The following OPA3 variants were observed in gnomAD, a reference collection of about 807,000 sequenced individuals.
The protein encoded by OPA3 is optic atrophy 3 protein.
In OPA3, 6 loss-of-function variants were observed where a neutral mutation model predicts 4.0. The ratio of observed to expected loss-of-function variants is 1.51; its 90% confidence interval spans 0.83 to 2.99. OPA3 has a LOEUF of 2.99. Ranked by LOEUF, OPA3 falls within the 30% of genes most tolerant of loss-of-function variation. The pLI is 0.00. For missense variants in OPA3, 235 were observed against 256.2 expected (o/e 0.92, Z 0.56); for synonymous variants, 105 against 117.1 (o/e 0.90, Z 0.67).
Position 45,552,992 on chromosome 19 carries a change from C to T in OPA3, c.*522G>A. On this transcript the variant is annotated 3_prime_UTR_variant, in exon 2 of 2. Coordinates refer to ENST00000263275, the MANE Select transcript of OPA3 (RefSeq NM_025136.4). The stretch of plus-strand genomic sequence containing the variant: ...CTCCCAGCCGCACCGTTTTTTTCCT[C>T]CTTAAGAGAGCACTGATGCTCAGCT... 2.0e-6 allele frequency: 2 copies of T among 1,000,106 alleles called. No individual in the cohort carries two copies. Among genetic ancestry groups the T allele is most frequent in the South Asian group, 8.7e-5 (2 of 23,002 alleles). 62.0% of individuals were successfully genotyped at this position (1,000,106 alleles called of 1,614,324 possible).
At chr19:45,535,771 T>C (rs936473793) in intron 1 of OPA3, among the ~76,000 whole-genome samples, 20 of 149,898 alleles carry the variant, frequency 1.3e-4, no homozygotes, top group East Asian at 5.8e-4. Context: ...TCTTTTTTTT[T>C]TTTTTTTTTA....
chr19:45,563,211 G>A (rs1031568751), intron 1 of OPA3, among the ~76,000 whole-genome samples: 2 of 152,102 alleles, frequency 1.3e-5, no homozygotes, highest in Non-Finnish European at 2.9e-5. Context: ...CCAGGCTGGA[G>A]TGCAGTGGCT....
In OPA3 at chr19:45,551,745, G is replaced by A. The variant is rs1015352731; in HGVS notation, c.*1769C>T. On this transcript the variant is annotated 3_prime_UTR_variant, in exon 2 of 2. Coordinates refer to ENST00000263275, the MANE Select transcript of OPA3 (RefSeq NM_025136.4). ...TAATTGGTAGGATGGGGGTGGGACC[G>A]GGGGCTATGGAGGCAGGAGGGTACT... The A allele has an allele frequency of 1.3e-5, 13 of 985,306 alleles. No individual in the cohort carries two copies. Among genetic ancestry groups the A allele is most frequent in the African/African-American group, 3.5e-5 (2 of 57,242 alleles). 61.0% of individuals were successfully genotyped at this position (985,306 alleles called of 1,614,324 possible). A position where few individuals can be genotyped will look rare whatever the true frequency, so the allele number is the denominator to read the frequency against.
At chr19:45,533,017 G>A (rs964171873) in intron 1 of OPA3, among the ~76,000 whole-genome samples, 3 of 151,268 alleles carry the variant, frequency 2.0e-5, no homozygotes, top group African/African-American at 4.9e-5. Flanking sequence ...TCAGCCTCCC[G>A]AGTAGCTGGG....
rs913293006 is a variant in OPA3, at chr19:45,540,429, C to T, written c.143-10973G>A. On this transcript the variant is annotated intron_variant, in intron 1 of 1. Coordinates refer to the OPA3 transcript ENST00000323060. ...AACAAACCAGGCCAGGACACGGTGG[C>T]TCATACCTGTAGCCCCAGCTACTTG... is the stretch of plus-strand genomic sequence containing the variant. Among the ~76,000 whole-genome samples the T allele has an allele frequency of 2.0e-5, 3 of 152,084 alleles. No homozygotes were observed. In the East Asian group the frequency reaches 5.8e-4, roughly 29 times the overall value.
chr19:45,584,395 G>A, intron 1 of OPA3: 1 of 985,362 alleles, frequency 1.0e-6, no homozygotes, highest in Non-Finnish European at 1.2e-6. Context: ...TTTATCGGCT[G>A]GCATTTCCTA....
At chr19:45,559,291 G>C (rs373121098) in intron 1 of OPA3, among the ~76,000 whole-genome samples, 1 of 150,864 alleles carries the variant, frequency 6.6e-6, no homozygotes, top group Admixed American at 6.6e-5. Context: ...GAGTAAGTCA[G>C]TATTCCTACT....
At position 45,551,995 on chromosome 19, in the gene OPA3, G is replaced by A; in HGVS notation, c.*1519C>T. On this transcript the variant is annotated 3_prime_UTR_variant, in exon 2 of 2. Coordinates refer to ENST00000263275, the MANE Select transcript of OPA3 (RefSeq NM_025136.4). ...GGACTCTGAGGACAGGAAAATAGGGGGCTGAGGCTGAAGGACAGGCTGGAT... is the reference window on the plus strand; with the variant it reads ...GGACTCTGAGGACAGGAAAATAGGGAGCTGAGGCTGAAGGACAGGCTGGAT... 1.0e-6 allele frequency: 1 copy of A among 985,516 alleles called. No individual in the cohort carries two copies. 61.0% of individuals were successfully genotyped at this position (985,516 alleles called of 1,614,324 possible). A position where few individuals can be genotyped will look rare whatever the true frequency, so the allele number is the denominator to read the frequency against.
intron 1 of OPA3, among the ~76,000 whole-genome samples, chr19:45,529,761 C>T (rs1473351094): frequency 2.6e-5 from 4 of 152,028 alleles, no homozygotes; most frequent in African/African-American, 4.8e-5. Flanking sequence ...GCCAGGGTTT[C>T]GCTCTATCGT....
downstream of OPA3, among the ~76,000 whole-genome samples, chr19:45,541,887 G>A (rs1024175870): frequency 6.6e-6 from 1 of 152,142 alleles, no homozygotes; most frequent in Admixed American, 6.6e-5. Flanking sequence ...CTTGGGGAAG[G>A]CTTCAAGGAT....
intron 1 of OPA3, among the ~76,000 whole-genome samples, chr19:45,570,324 C>G (rs1021399614): frequency 2.0e-5 from 3 of 152,206 alleles, no homozygotes; most frequent in Admixed American, 2.0e-4. Context: ...CAATGACACA[C>G]TTCTTCCATC....
chr19:45,544,536 T>A (rs1430749280), downstream of OPA3, among the ~76,000 whole-genome samples: 1 of 152,118 alleles, frequency 6.6e-6, no homozygotes, highest in Non-Finnish European at 1.5e-5. Flanking sequence ...GGCTCACGCC[T>A]GTAATCCCAG....
At chr19:45,528,797 CA>C (rs1969023062) in exon 2 of OPA3, 1 of 440,574 alleles carries the variant, frequency 2.3e-6, no homozygotes, top group Admixed American at 4.0e-5. Context: ...AATGCGCTGG[CA>C]GGGGCGGGGT....
chr19:45,553,590 T>C lies in OPA3; in HGVS notation c.464A>G (p.Glu155Gly). The C allele has an allele frequency of 1.9e-6, 3 of 1,612,404 alleles. No individual in the cohort carries two copies. Among genetic ancestry groups the C allele is most frequent in the Non-Finnish European group, 2.5e-6 (3 of 1,179,900 alleles). ...PQGALEELRT[E>G]LQEVRAQLCN... ...GAGCTGGGCGCGCACCTCTTGCAGCTCTGTGCGCAGTTCCTCCAGGGCGCC... is the reference window on the plus strand; with the variant it reads ...GAGCTGGGCGCGCACCTCTTGCAGCCCTGTGCGCAGTTCCTCCAGGGCGCC... Residue 155 changes from glutamate (E) to glycine (G), a missense_variant, in exon 2 of 2, where the codon GAG (glutamate) becomes GGG (glycine). Glu to Gly is a moderately conservative substitution (Grantham distance 98). Coordinates refer to ENST00000263275, the MANE Select transcript of OPA3 (RefSeq NM_025136.4).
chr19:45,544,535 C>A (rs1969222873), downstream of OPA3, among the ~76,000 whole-genome samples: 2 of 152,134 alleles, frequency 1.3e-5, no homozygotes, highest in Non-Finnish European at 2.9e-5. Context: ...TGGCTCACGC[C>A]TGTAATCCCA....
intron 1 of OPA3, among the ~76,000 whole-genome samples, chr19:45,572,980 C>A (rs1376096628): frequency 6.6e-6 from 1 of 151,298 alleles, no homozygotes; most frequent in Admixed American, 6.6e-5. Flanking sequence ...CAATTAGGTA[C>A]CCCTAGGGGT....
chr19:45,583,792 G>C (rs910778840), intron 1 of OPA3, among the ~76,000 whole-genome samples: 1 of 152,192 alleles, frequency 6.6e-6, no homozygotes, highest in African/African-American at 2.4e-5. Context: ...GTGAGCCACC[G>C]CGCCGGACCT....
intron 1 of OPA3, among the ~76,000 whole-genome samples, chr19:45,530,445 C>T (rs1969046810): frequency 6.6e-6 from 1 of 152,054 alleles, no homozygotes; most frequent in African/African-American, 2.4e-5. Context: ...CTATCTCCTT[C>T]CCTCTCCCCT....
chr19:45,555,082 G>A (rs1008318422), intron 1 of OPA3, among the ~76,000 whole-genome samples: 12 of 152,142 alleles, frequency 7.9e-5, no homozygotes, highest in Non-Finnish European at 1.5e-4. Flanking sequence ...GAGCCACCAT[G>A]TCCATCCAAA....
Sources: gnomAD v4.1 joint callset for allele counts (sites outside exome capture counted in the v4.1 genomes callset) on GRCh38, gnomAD v4.1.1 for gene constraint, MANE v1.5 for transcripts, NCBI Gene and HGNC (gene_info 2026-07-23, HGNC 2026-07-21) for gene names.